The following GCA variants were observed in gnomAD, a reference collection of about 807,000 sequenced individuals.
GCA encodes grancalcin, also known as grancalcin, EF-hand calcium-binding protein.
A neutral mutation model predicts 32.6 loss-of-function variants in GCA; 30 were observed. That is an observed-to-expected ratio of 0.92 (90% CI 0.69 to 1.25). The LOEUF is 1.25. GCA is among the 50% of genes most tolerant of loss of function. GCA has a pLI of 0.00. For missense variants in GCA, 291 were observed against 266.8 expected, an observed-to-expected ratio of 1.09 and a Z score of -0.63; for synonymous variants, 102 against 84.6, an observed-to-expected ratio of 1.21 and a Z score of -1.13.
intron 1 of GCA, among the ~76,000 whole-genome samples, chr2:162,330,759 G>T (rs879347420): frequency 3.9e-5 from 6 of 152,116 alleles, no homozygotes; most frequent in Non-Finnish European, 8.8e-5. Context: ...TGTTAGCCTA[G>T]GGCCAACTGA....
downstream of GCA, chr2:162,371,772 A>C: frequency 1.3e-6 from 2 of 1,484,558 alleles, no homozygotes; most frequent in Non-Finnish European, 1.8e-6. Context: ...AAATAGAAAA[A>C]GGAAAACAGC....
chr2:162,356,406 ACT>A (rs760173564), intron 3 of GCA, 30 bp from the exon 4 acceptor site: 1 of 1,299,354 alleles, frequency 7.7e-7, no homozygotes, highest in Non-Finnish European at 1.1e-6. Context: ...AGTTGGGCAT[ACT>A]CTAATTTAAA....
At position 162,361,933 on chromosome 2, in the gene GCA, G is replaced by T. The variant is rs762198602; in HGVS notation, c.*1690G>T. 1.0e-6 allele frequency: 1 copy of T among 984,210 alleles called. No individual in the cohort carries two copies. Among genetic ancestry groups the T allele is most frequent in the African/African-American group, 1.8e-5 (1 of 57,090 alleles). The allele number at this position is 984,210 out of a possible 1,614,324, so 61.0% of individuals were successfully genotyped here. A position where few individuals can be genotyped will look rare whatever the true frequency, so the allele number is the denominator to read the frequency against. The stretch of plus-strand genomic sequence containing the variant: ...GATGGTCGTTACTGAACTATTCTGC[G>T]GTCGATTATGATTATCTCTCTTACT... On this transcript the variant is annotated 3_prime_UTR_variant, in exon 8 of 8. Coordinates refer to ENST00000437150, the MANE Select transcript of GCA (RefSeq NM_012198.5).
chr2:162,340,778 C>T (rs1042111678), upstream of GCA, among the ~76,000 whole-genome samples: 1 of 152,150 alleles, frequency 6.6e-6, no homozygotes, highest in African/African-American at 2.4e-5. Context: ...ATAGGTCAGG[C>T]AGGGTTTTGC....
intron 2 of GCA, among the ~76,000 whole-genome samples, chr2:162,351,116 G>C (rs1400825978): frequency 6.6e-6 from 1 of 152,104 alleles, no homozygotes; most frequent in Non-Finnish European, 1.5e-5. Context: ...TAAACAGTAA[G>C]GATTAAATCA....
At chr2:162,332,166 G>A (rs946309854) in intron 1 of GCA, among the ~76,000 whole-genome samples, 6 of 151,306 alleles carry the variant, frequency 4.0e-5, no homozygotes, top group African/African-American at 1.2e-4. Context: ...AAAATTAGCC[G>A]AGCATGGTGG....
chr2:162,361,993 G>A lies in GCA; in HGVS notation c.*1750G>A, dbSNP rs529614167. The A allele has an allele frequency of 1.9e-3, 1,898 of 981,918 alleles. 3 individuals carry two copies. The highest frequency in any genetic ancestry group is 3.0e-3 in the Admixed American group (49 of 16,106). The allele number at this position is 981,918 out of a possible 1,614,324, so 60.8% of individuals were successfully genotyped here. ...ACAGTTGAGGTAAAACTTTTAAAAT[G>A]ACAAATGGTATTATTCATGTAAGCT... On this transcript the variant is annotated 3_prime_UTR_variant, in exon 8 of 8. Transcript: ENST00000437150.
intron 2 of GCA, among the ~76,000 whole-genome samples, chr2:162,350,404 TCAGACCTATTGTATGAAACAA>T (rs1684933032): frequency 6.6e-6 from 1 of 152,168 alleles, no homozygotes; most frequent in African/African-American, 2.4e-5. Context: ...CTGCCTAGCC[TCAGACCTATTGTATGAAACAA>T]TAAACCCCTA....
At chr2:162,334,769 G>T (rs1457493148) in intron 1 of GCA, among the ~76,000 whole-genome samples, 1 of 144,220 alleles carries the variant, frequency 6.9e-6, no homozygotes, top group African/African-American at 2.6e-5. Context: ...TTGGCACACA[G>T]GAGGTACTCG....
intron 1 of GCA, among the ~76,000 whole-genome samples, chr2:162,328,218 C>CA (rs35156397): frequency 0.032 from 2,864 of 89,622 alleles, 28 homozygotes; most frequent in East Asian, 0.045. Context: ...CTGTTTCTAC[C>CA]AAAAAAAAAA....
rs547132500 is a variant in GCA, at chr2:162,371,082, C to T, written c.366-224C>T. Reference sequence around the variant, plus strand: ...GCAGTACTTAAGGAGACCACACCATCCCCCGCCTCCAGAAAAAAAGCAAAA... The same window carrying T: ...GCAGTACTTAAGGAGACCACACCATTCCCCGCCTCCAGAAAAAAAGCAAAA... On this transcript the variant is annotated intron_variant, in intron 4 of 4. Coordinates refer to the GCA transcript ENST00000414723. Among the ~76,000 whole-genome samples the T allele has an allele frequency of 2.7e-4, 41 of 152,210 alleles. No individual in the cohort carries two copies. The South Asian group carries it at 5.6e-3, about 21-fold the overall frequency.
At chr2:162,344,659 C>T in intron 1 of GCA, 1 of 302,884 alleles carries the variant, frequency 3.3e-6, no homozygotes, top group Non-Finnish European at 6.3e-6. Context: ...ATTTCCTGAC[C>T]ACTTCTTGTT....
chr2:162,345,114 G>A (rs1684622498), intron 1 of GCA, among the ~76,000 whole-genome samples: 1 of 148,570 alleles, frequency 6.7e-6, no homozygotes, highest in African/African-American at 2.5e-5. Flanking sequence ...GGTGGTGGTG[G>A]TGGTGGTGGT....
At chr2:162,348,536 A>G (rs908916288) in intron 2 of GCA, among the ~76,000 whole-genome samples, 2 of 152,200 alleles carry the variant, frequency 1.3e-5, no homozygotes, top group African/African-American at 2.4e-5. Flanking sequence ...TAAAGGAAAT[A>G]GTATGTTACG....
At chr2:162,363,266 C>CA (rs1685651698), downstream of GCA, among the ~76,000 whole-genome samples, 1 of 151,276 alleles carries the variant, frequency 6.6e-6, no homozygotes, top group African/African-American at 2.4e-5. Context: ...AGATTTCTTT[C>CA]AGGCAGGCAT....
intron 4 of GCA, among the ~76,000 whole-genome samples, chr2:162,369,750 TG>T (rs1199348409): frequency 3.3e-5 from 5 of 152,090 alleles, no homozygotes; most frequent in Non-Finnish European, 7.4e-5. Flanking sequence ...GCTGCAAAAA[TG>T]TGTCCCAATA....
downstream of GCA, among the ~76,000 whole-genome samples, chr2:162,365,046 C>A (rs1260753681): frequency 6.6e-6 from 1 of 151,480 alleles, no homozygotes; most frequent in African/African-American, 2.4e-5. Context: ...CATGTGATTT[C>A]ATGAAATAAC....
chr2:162,332,320 A>T (rs1423339172), intron 1 of GCA, among the ~76,000 whole-genome samples: 79 of 137,274 alleles, frequency 5.8e-4, no homozygotes, highest in East Asian at 1.2e-3. Flanking sequence ...AAAAAAAAAA[A>T]AAATATATAT....
At chr2:162,371,865 A>G, downstream of GCA, 1 of 1,612,816 alleles carries the variant, frequency 6.2e-7, no homozygotes, top group South Asian at 1.1e-5. Flanking sequence ...AAACATGCCT[A>G]TGAAGACCCA....
Sources: allele counts gnomAD v4.1 joint callset (sites outside exome capture counted in the v4.1 genomes callset), GRCh38; gene constraint gnomAD v4.1.1; transcripts MANE v1.5; gene names NCBI Gene and HGNC (gene_info 2026-07-23, HGNC 2026-07-21).